Variants in DCC observed in about 807,000 individuals in gnomAD.
DCC encodes netrin receptor DCC.
Under a neutral mutation model 172.5 loss-of-function variants are expected in DCC, and 58 were observed. The ratio of observed to expected loss-of-function variants is 0.34; its 90% CI spans 0.27 to 0.42. The LOEUF is 0.42. Ranked by LOEUF, DCC falls within the 10% of genes least tolerant of loss-of-function variation. DCC has a pLI of 1.00. For missense variants in DCC, 1,740 were observed against 1,791.0 expected, an observed-to-expected ratio of 0.97 and a Z score of 0.51; for synonymous variants, 709 against 644.5, an observed-to-expected ratio of 1.10 and a Z score of -1.52.
At chr18:52,879,412 C>CTTTTTTTTATTTTTTTTTTTTTTT (rs2039448675) in intron 2 of DCC, among the ~76,000 whole-genome samples, 1 of 62,356 alleles carries the variant, frequency 1.6e-5, no homozygotes, top group East Asian at 5.8e-4. Flanking sequence ...TGTTGTTTGG[C>CTTTTTTTTATTTTTTTTTTTTTTT]TTTTTTTTTT....
intron 13 of DCC, among the ~76,000 whole-genome samples, chr18:53,317,927 T>C (rs2057362175): frequency 6.6e-6 from 1 of 152,118 alleles, no homozygotes; most frequent in Non-Finnish European, 1.5e-5. Context: ...TTTCAAACAA[T>C]CACCTCCTGG....
At chr18:53,466,106 T>G (rs1042759970) in intron 24 of DCC, among the ~76,000 whole-genome samples, 1 of 152,104 alleles carries the variant, frequency 6.6e-6, no homozygotes, top group African/African-American at 2.4e-5. Context: ...TTCTTTTAGT[T>G]TATTTTGTTT....
chr18:53,187,179 G>A (rs969395396), intron 9 of DCC, among the ~76,000 whole-genome samples: 2 of 150,206 alleles, frequency 1.3e-5, no homozygotes, highest in African/African-American at 4.9e-5. Context: ...TTGGAGTGCA[G>A]TGGTGTGATC....
At chr18:52,626,792 G>A (rs1190748533) in intron 1 of DCC, among the ~76,000 whole-genome samples, 1 of 152,162 alleles carries the variant, frequency 6.6e-6, no homozygotes. Context: ...TGTAGGTCTT[G>A]TATTAGGTAT....
In DCC at chr18:53,454,610, C is replaced by A. The variant is rs115883406; in HGVS notation, c.3392+3948C>A. ...TTAAATTTAAACATGTAAATAAAAC[C>A]TAAGGTGTACTTGTTAGAACCACTG... On this transcript the variant is annotated intron_variant, in intron 23 of 28. Transcript: ENST00000442544. Among the ~76,000 whole-genome samples, 140 of 152,276 alleles carry A rather than the reference C, an allele frequency of 9.2e-4. 1 individual carries two copies. The highest frequency in any genetic ancestry group is 3.2e-3 in the African/African-American group (134 of 41,570).
chr18:52,971,406 C>G (rs1219328155), intron 5 of DCC, among the ~76,000 whole-genome samples: 2 of 151,990 alleles, frequency 1.3e-5, no homozygotes, highest in African/African-American at 4.8e-5. Flanking sequence ...GAATTGGCAT[C>G]AGAGTGGTAT....
At chr18:52,406,523 A>G (rs929904103) in intron 1 of DCC, among the ~76,000 whole-genome samples, 11 of 152,114 alleles carry the variant, frequency 7.2e-5, no homozygotes, top group South Asian at 2.1e-4. Flanking sequence ...CTATGACAGC[A>G]TTATTGCTTA....
intron 1 of DCC, among the ~76,000 whole-genome samples, chr18:52,547,930 A>T (rs944126625): frequency 1.3e-5 from 2 of 152,150 alleles, no homozygotes; most frequent in Non-Finnish European, 2.9e-5. Context: ...GACAATCCAT[A>T]AAGATTCATG....
chr18:52,714,494 A>G (rs1372930070), intron 1 of DCC, among the ~76,000 whole-genome samples: 1 of 152,208 alleles, frequency 6.6e-6, no homozygotes, highest in Non-Finnish European at 1.5e-5. Flanking sequence ...AAAGAAACAC[A>G]GAACATAGGT....
intron 5 of DCC, among the ~76,000 whole-genome samples, chr18:53,011,627 A>G (rs1216637690): frequency 6.6e-6 from 1 of 151,828 alleles, no homozygotes; most frequent in Non-Finnish European, 1.5e-5. Context: ...TTTTTAATGG[A>G]GAAATTCATT....
chr18:53,139,563 T>C (rs948227031), intron 7 of DCC, among the ~76,000 whole-genome samples: 7 of 152,208 alleles, frequency 4.6e-5, no homozygotes, highest in African/African-American at 1.2e-4. Flanking sequence ...CAAAAACTTA[T>C]TGTGCACCTG....
chr18:52,363,832 C>A (rs1051874279), intron 1 of DCC, among the ~76,000 whole-genome samples: 5 of 152,212 alleles, frequency 3.3e-5, no homozygotes, highest in Admixed American at 3.3e-4. Context: ...TGCCAATCAG[C>A]TCCTAAAAGT....
At chr18:52,747,827 T>G (rs1442255928) in intron 1 of DCC, among the ~76,000 whole-genome samples, 1 of 152,196 alleles carries the variant, frequency 6.6e-6, no homozygotes, top group Non-Finnish European at 1.5e-5. Flanking sequence ...TTGATGTCAA[T>G]GTAATGTATT....
chr18:52,865,498 T>C lies in DCC; in HGVS notation c.413-40546T>C, dbSNP rs186149380. Among the ~76,000 whole-genome samples, 12 of 152,272 alleles carry C rather than the reference T, an allele frequency of 7.9e-5. No individual in the cohort carries two copies. In the East Asian group the frequency reaches 2.1e-3, roughly 27 times the overall value. On this transcript the variant is annotated intron_variant, in intron 2 of 28. Transcript: ENST00000442544. ...CTACTTTTCCACATCCTCTCCAGCA[T>C]CAGTTGTTTCCTGACTTTTTAATGA...
At chr18:53,093,074 G>T (rs76248912) in intron 7 of DCC, among the ~76,000 whole-genome samples, 2,483 of 152,238 alleles carry the variant, frequency 0.016, 82 homozygotes, top group African/African-American at 0.057. Flanking sequence ...TTGAGACCAG[G>T]AGTTTGAGGC....
At chr18:53,056,408 C>G (rs1305519472) in intron 5 of DCC, among the ~76,000 whole-genome samples, 1 of 152,128 alleles carries the variant, frequency 6.6e-6, no homozygotes, top group African/African-American at 2.4e-5. Flanking sequence ...CTAAACCACA[C>G]CAATATGTTA....
At chr18:52,768,621 T>A (rs187324401) in intron 2 of DCC, among the ~76,000 whole-genome samples, 1 of 152,220 alleles carries the variant, frequency 6.6e-6, no homozygotes, top group Non-Finnish European at 1.5e-5. Flanking sequence ...GTGTCTGGCA[T>A]AAGACCTTTT....
At chr18:53,246,172 G>A (rs1401118936) in intron 12 of DCC, among the ~76,000 whole-genome samples, 1 of 151,968 alleles carries the variant, frequency 6.6e-6, no homozygotes, top group Non-Finnish European at 1.5e-5. Context: ...GGCCACTACT[G>A]TTCTTAGAAT....
intron 27 of DCC, among the ~76,000 whole-genome samples, chr18:53,503,307 T>G (rs1490756369): frequency 1.3e-5 from 2 of 152,328 alleles, no homozygotes; most frequent in South Asian, 2.1e-4. Context: ...TCCTCAATTT[T>G]TTTTCCTTCC....
Sources: gnomAD v4.1 joint callset for allele counts (sites outside exome capture counted in the v4.1 genomes callset) on GRCh38, gnomAD v4.1.1 for gene constraint, MANE v1.5 for transcripts, NCBI Gene and HGNC (gene_info 2026-07-23, HGNC 2026-07-21) for gene names.